Variants in NRG1 observed in about 807,000 individuals in gnomAD.
NRG1 encodes the protein neuregulin 1.
A neutral mutation model predicts 63.8 loss-of-function variants in NRG1; 18 were observed. The observed-to-expected ratio is 0.28, with a 90% CI of 0.19 to 0.42. The LOEUF is 0.42. Among genes scored for constraint, NRG1 ranks in the 10% least tolerant of loss-of-function variants. The pLI is 1.00. For synonymous variants in NRG1, 302 were observed against 301.3 expected, an observed-to-expected ratio of 1.00 and a Z score of -0.02; for missense variants, 762 against 814.7, an observed-to-expected ratio of 0.94 and a Z score of 0.79.
chr8:31,919,280 A>G (rs1833692307), intron 1 of NRG1, among the ~76,000 whole-genome samples: 1 of 151,408 alleles, frequency 6.6e-6, no homozygotes, highest in South Asian at 2.1e-4. Flanking sequence ...TATTTGTTAT[A>G]TTTTTTGATG....
At chr8:32,335,075 T>A (rs1048882746) in intron 1 of NRG1, among the ~76,000 whole-genome samples, 4 of 152,168 alleles carry the variant, frequency 2.6e-5, no homozygotes, top group African/African-American at 9.7e-5. Context: ...GTGGTATATA[T>A]ATAATTTATA....
intron 1 of NRG1, among the ~76,000 whole-genome samples, chr8:32,002,797 T>G (rs1385831774): frequency 6.6e-6 from 1 of 152,136 alleles, no homozygotes; most frequent in Non-Finnish European, 1.5e-5. Context: ...TATTTCTATA[T>G]GTAAACTTCT....
intron 1 of NRG1, among the ~76,000 whole-genome samples, chr8:32,330,165 G>T (rs1802482686): frequency 6.6e-6 from 1 of 150,462 alleles, no homozygotes; most frequent in South Asian, 2.1e-4. Context: ...GGGATTACAG[G>T]CATGCACCTT....
intron 1 of NRG1, among the ~76,000 whole-genome samples, chr8:32,062,135 C>G (rs141271206): frequency 6.6e-6 from 1 of 152,094 alleles, no homozygotes; most frequent in African/African-American, 2.4e-5. Context: ...TGTGCAGTGA[C>G]CTTTTAAAAG....
intron 5 of NRG1, among the ~76,000 whole-genome samples, chr8:32,637,584 G>A (rs1344134435): frequency 6.6e-6 from 1 of 152,086 alleles, no homozygotes; most frequent in East Asian, 1.9e-4. Context: ...GTTTGTGTTT[G>A]AGCTACTGCA....
intron 1 of NRG1, chr8:31,639,967 C>T: frequency 6.2e-6 from 7 of 1,127,814 alleles, no homozygotes; most frequent in Non-Finnish European, 7.6e-6. Context: ...AGCCAGAAGC[C>T]CGCACGCACC....
chr8:32,637,823 T>C (rs888926155), intron 5 of NRG1, among the ~76,000 whole-genome samples: 1 of 152,168 alleles, frequency 6.6e-6, no homozygotes, highest in African/African-American at 2.4e-5. Flanking sequence ...AAAATGCTGT[T>C]TAATAACAGA....
chr8:32,284,493 T>TG (rs1563269790), intron 1 of NRG1, among the ~76,000 whole-genome samples: 1,381 of 27,514 alleles, frequency 0.05, 24 homozygotes, highest in African/African-American at 0.12. Context: ...CTGCCTGCCT[T>TG]CCTTCCTTCC....
chr8:32,712,909 TA>T (rs1818174602), intron 5 of NRG1, among the ~76,000 whole-genome samples: 1 of 152,144 alleles, frequency 6.6e-6, no homozygotes, highest in African/African-American at 2.4e-5. Flanking sequence ...AAAATTTTAT[TA>T]ATTCAGCTAT....
intron 1 of NRG1, among the ~76,000 whole-genome samples, chr8:32,415,448 A>AATACATTT: frequency 6.6e-6 from 1 of 151,268 alleles, no homozygotes. Context: ...CGGCAATCAC[A>AATACATTT]ATACATTTAT....
At chr8:32,501,191 A>C (rs13277710) in intron 1 of NRG1, among the ~76,000 whole-genome samples, 1 of 151,760 alleles carries the variant, frequency 6.6e-6, no homozygotes, top group Non-Finnish European at 1.5e-5. Flanking sequence ...GATCTGATGA[A>C]AGTTCATTAT....
chr8:32,240,141 G>A (rs915492848), intron 1 of NRG1, among the ~76,000 whole-genome samples: 2 of 152,084 alleles, frequency 1.3e-5, no homozygotes, highest in Admixed American at 6.6e-5. Context: ...CCCCAAACTG[G>A]AAACAACCCA....
rs200511439 is a variant in NRG1 at position 31,640,503 on chromosome 8, G to A, written c.37+1072G>A. The A allele has an allele frequency of 4.3e-6, 7 of 1,610,524 alleles. No individual in the cohort carries two copies. The East Asian group carries it at 1.1e-4, about 26-fold the overall frequency. On this transcript the variant is annotated intron_variant, in intron 1 of 10. Transcript: ENST00000519301. This position sits in a 1 kb window ranked among gnomAD's most constrained non-coding sequence, Gnocchi z 6.3. ...ACCAGGTGTGGGCGGTGAAAGCCGG[G>A]GGCTTGAAGAAGGACTCGCTGCTCA...
chr8:32,341,079 A>T (rs1804012949), intron 1 of NRG1, among the ~76,000 whole-genome samples: 1 of 152,208 alleles, frequency 6.6e-6, no homozygotes, highest in Admixed American at 6.5e-5. Context: ...CAAATCATTT[A>T]ACTCAGTGTG....
chr8:31,929,520 CAT>C (rs1467378682), intron 1 of NRG1, among the ~76,000 whole-genome samples: 3 of 151,938 alleles, frequency 2.0e-5, no homozygotes, highest in South Asian at 4.1e-4. Context: ...AATACACACA[CAT>C]GTCTATGTAA....
At chr8:31,773,389 T>A (rs1818819006) in intron 1 of NRG1, among the ~76,000 whole-genome samples, 1 of 152,158 alleles carries the variant, frequency 6.6e-6, no homozygotes, top group Admixed American at 6.5e-5. Flanking sequence ...TCAAAAAGAA[T>A]TTCTTCCAAA....
chr8:32,069,508 T>A (rs1223341974), intron 1 of NRG1, among the ~76,000 whole-genome samples: 1 of 152,124 alleles, frequency 6.6e-6, no homozygotes, highest in African/African-American at 2.4e-5. Flanking sequence ...GTTGATGAAC[T>A]GGGTGGGTGT....
intron 1 of NRG1, among the ~76,000 whole-genome samples, chr8:32,367,082 A>T (rs912181619): frequency 5.3e-5 from 8 of 152,132 alleles, no homozygotes; most frequent in African/African-American, 1.9e-4. Context: ...TGTTGTGAAT[A>T]GTGCTGCAGT....
At chr8:32,039,029 A>G (rs1278507266) in intron 1 of NRG1, among the ~76,000 whole-genome samples, 1 of 152,180 alleles carries the variant, frequency 6.6e-6, no homozygotes, top group Non-Finnish European at 1.5e-5. Context: ...CTGGAACTGT[A>G]TGGTTATATT....
Sources: gnomAD v4.1 joint callset for allele counts (sites outside exome capture counted in the v4.1 genomes callset) on GRCh38, gnomAD v4.1.1 for gene constraint, Gnocchi (gnomAD v3.1) non-coding constraint, MANE v1.5 for transcripts, NCBI Gene and HGNC (gene_info 2026-07-23, HGNC 2026-07-21) for gene names.